The following CHD1 variants were observed in gnomAD, a reference collection of about 807,000 sequenced individuals.
The protein encoded by CHD1 is chromodomain helicase DNA binding protein 1, also known as ATP-dependent chromatin remodeler CHD1.
In CHD1, 36 loss-of-function variants were observed where a neutral mutation model predicts 224.2. That is an observed-to-expected ratio of 0.16 (90% CI 0.12 to 0.21). CHD1 has a LOEUF of 0.21. Among genes scored for constraint, CHD1 ranks in the 10% least tolerant of loss-of-function variants. CHD1 has a pLI of 1.00. For missense variants in CHD1, 1,378 were observed against 1,994.8 expected (o/e 0.69, Z 5.89); for synonymous variants, 668 against 658.3 (o/e 1.01, Z -0.23).
intron 30 of CHD1, chr5:98,869,195 T>A (rs941101561): frequency 1.0e-6 from 1 of 976,708 alleles, no homozygotes; most frequent in Non-Finnish European, 1.2e-6. Flanking sequence ...CTTCTTTATA[T>A]AAACATCTGG....
At position 98,899,694 on chromosome 5, in the gene CHD1, T is replaced by C. The variant is rs766891603; in HGVS notation, c.871A>G (p.Thr291Ala). 4 of 1,611,036 alleles carry C rather than the reference T, an allele frequency of 2.5e-6. No homozygotes were observed. The South Asian group carries it at 3.3e-5, about 13-fold the overall frequency. ...GCTTCAACTGCATAGATGGTTGTAGTAGCACCAGTAGCTGAAAACAAAAGC... is the reference window on the plus strand; with the variant it reads ...GCTTCAACTGCATAGATGGTTGTAGCAGCACCAGTAGCTGAAAACAAAAGC... Reference protein sequence around the residue: ...RIGRKGATGATTTIYAVEADG... With the variant: ...RIGRKGATGAATTIYAVEADG... Residue 291 changes from threonine to alanine, a missense_variant, in exon 8 of 36, where the codon ACT (threonine) becomes GCT (alanine). By Grantham distance (58) the Thr-to-Ala change is moderately conservative. This residue lies in a region of CHD1 where 40 missense variants were observed against 60.0 expected (regional missense o/e 0.67). Transcript: ENST00000614616.
At chr5:98,884,667 A>C (rs968116915) in intron 18 of CHD1, among the ~76,000 whole-genome samples, 1 of 152,002 alleles carries the variant, frequency 6.6e-6, no homozygotes, top group African/African-American at 2.4e-5. Context: ...AAATAAAAAA[A>C]ATTTTTTTTA....
At position 98,903,843 on chromosome 5, in the gene CHD1, CTGT is replaced by C; in HGVS notation, c.318_320del (p.Gln113del). 6.2e-7 allele frequency: 1 copy of C among 1,613,230 alleles called. No homozygotes were observed. Among genetic ancestry groups the C allele is most frequent in the Non-Finnish European group, 8.5e-7 (1 of 1,179,448 alleles). On this transcript the variant is annotated inframe_deletion, in exon 4 of 36. Transcript: ENST00000614616. The stretch of plus-strand genomic sequence containing the variant: ...CTTGATGTTGTTGTTGCTGCTGCTG[CTGT>C]TGCTGCTTCTTGAGGATTGCAGATC...
At chr5:98,927,070 C>T (rs113764188) in intron 1 of CHD1, among the ~76,000 whole-genome samples, 2 of 151,876 alleles carry the variant, frequency 1.3e-5, no homozygotes, top group African/African-American at 4.8e-5. Context: ...AAATGCATAG[C>T]TCAAAATAAA....
Position 98,919,906 on chromosome 5 carries a change from T to C in CHD1, c.53+6428A>G, listed in dbSNP as rs376210618. ...CCAGTACCCAAATCTTGGTTTCTAA[T>C]GCCATTCTCCAAAAAAATGGAACCA... On this transcript the variant is annotated intron_variant, in intron 2 of 35. Coordinates refer to ENST00000614616, the MANE Select transcript of CHD1 (RefSeq NM_001270.4). Among the ~76,000 whole-genome samples the C allele has an allele frequency of 3.7e-3, 566 of 152,252 alleles. 4 individuals carry two copies. The highest frequency in any genetic ancestry group is 0.013 in the African/African-American group (534 of 41,538).
chr5:98,918,627 G>C (rs183605798), intron 2 of CHD1, among the ~76,000 whole-genome samples: 1 of 151,046 alleles, frequency 6.6e-6, no homozygotes, highest in Non-Finnish European at 1.5e-5. Context: ...AATTAGCTGG[G>C]CATGGTGACG....
Position 98,888,041 on chromosome 5 carries a change from C to A in CHD1, c.2496+47G>T, listed in dbSNP as rs1750767657. The A allele has an allele frequency of 1.0e-5, 13 of 1,262,540 alleles. No individual in the cohort carries two copies. In the East Asian group the frequency reaches 3.2e-4, roughly 31 times the overall value. 78.2% of individuals were successfully genotyped at this position (1,262,540 alleles called of 1,614,324 possible). A position where few individuals can be genotyped will look rare whatever the true frequency, so the allele number is the denominator to read the frequency against. On this transcript the variant is annotated intron_variant, in intron 17 of 35. Coordinates refer to ENST00000614616, the MANE Select transcript of CHD1 (RefSeq NM_001270.4). ...TTCAGTTAATTCTGTAAAATATGCA[C>A]AGGAATTAGATAAAATTTAAAACAA...
At chr5:98,878,406 G>C (rs111432505) in intron 23 of CHD1, among the ~76,000 whole-genome samples, 2 of 152,258 alleles carry the variant, frequency 1.3e-5, no homozygotes, top group African/African-American at 4.8e-5. Context: ...AGGGACTAGA[G>C]TGGGGCAAGC....
intron 31 of CHD1, among the ~76,000 whole-genome samples, chr5:98,866,723 G>A (rs989015842): frequency 1.2e-4 from 18 of 152,148 alleles, no homozygotes; most frequent in African/African-American, 1.9e-4. Context: ...TGTGTATATT[G>A]TAACTATATA....
intron 5 of CHD1, among the ~76,000 whole-genome samples, chr5:98,902,448 T>C (rs969039216): frequency 2.2e-4 from 34 of 152,220 alleles, no homozygotes; most frequent in African/African-American, 7.7e-4. Flanking sequence ...CTTAATACTT[T>C]CTGGGTCCAG....
chr5:98,858,123 C>T, intron 35 of CHD1, 57 bp downstream of exon 35: 1 of 1,365,608 alleles, frequency 7.3e-7, no homozygotes, highest in South Asian at 1.2e-5. Flanking sequence ...ACAGGAACAT[C>T]ATGATAAGGA....
intron 24 of CHD1, 147 bp downstream of exon 24, chr5:98,876,250 CA>C: frequency 1.3e-6 from 1 of 757,838 alleles, no homozygotes; most frequent in Non-Finnish European, 2.2e-6. Flanking sequence ...AACAAATACC[CA>C]AAAGCAGAAC....
At chr5:98,882,265 A>C in intron 19 of CHD1, 142 bp from the exon 20 acceptor site, 1 of 609,820 alleles carries the variant, frequency 1.6e-6, no homozygotes, top group Non-Finnish European at 2.7e-6. Flanking sequence ...AAATTTAAAA[A>C]ACATGTTTAA....
chr5:98,874,779 T>C (rs756411452), intron 25 of CHD1, among the ~76,000 whole-genome samples: 135 of 151,892 alleles, frequency 8.9e-4, no homozygotes, highest in Non-Finnish European at 1.6e-3. Flanking sequence ...TCGTGCTACT[T>C]TTAAGTTATT....
chr5:98,887,054 T>C (rs568592028), intron 17 of CHD1, among the ~76,000 whole-genome samples: 126 of 152,240 alleles, frequency 8.3e-4, no homozygotes, highest in African/African-American at 2.9e-3. Context: ...CTGATGAAAA[T>C]GTTCTAAAAC....
chr5:98,913,278 C>G (rs577593798), intron 2 of CHD1, among the ~76,000 whole-genome samples: 1 of 152,178 alleles, frequency 6.6e-6, no homozygotes, highest in South Asian at 2.1e-4. Flanking sequence ...TGAGATCAGC[C>G]TGGACAACAT....
intron 10 of CHD1, among the ~76,000 whole-genome samples, chr5:98,897,988 C>T (rs930768986): frequency 2.0e-5 from 3 of 151,970 alleles, no homozygotes; most frequent in Non-Finnish European, 2.9e-5. Context: ...TGATGCTCAA[C>T]AAGATAAAAG....
intron 14 of CHD1, 141 bp downstream of exon 14, chr5:98,893,274 AT>A (rs1229383022): frequency 5.7e-6 from 3 of 529,968 alleles, no homozygotes; most frequent in Non-Finnish European, 9.8e-6. Flanking sequence ...ACCTGACCTC[AT>A]TTTCCTTTTT....
rs112824546 is a variant in CHD1, at chr5:98,878,449, A to T, written c.3237+1103T>A. Among the ~76,000 whole-genome samples the T allele has an allele frequency of 4.2e-3, 641 of 152,390 alleles. 1 individual carries two copies. The highest frequency in any genetic ancestry group is 0.014 in the African/African-American group (588 of 41,596). On this transcript the variant is annotated intron_variant, in intron 23 of 35. Transcript: ENST00000614616. ...TTGCCCCAGGCTTAAAATTTAAGGA[A>T]GCACGAAAAAACTCAGCAATCAAGA...
Sources: allele counts gnomAD v4.1 joint callset (sites outside exome capture counted in the v4.1 genomes callset), GRCh38; gene constraint gnomAD v4.1.1; regional missense constraint gnomAD v4.1.1; transcripts MANE v1.5; gene names NCBI Gene and HGNC (gene_info 2026-07-23, HGNC 2026-07-21).